NCS1: variants seen among roughly 807,000 people sequenced by gnomAD.
NCS1 encodes frequenin homolog.
In NCS1, 6 loss-of-function variants were observed where a neutral mutation model predicts 28.4. The ratio of observed to expected loss-of-function variants is 0.21; its 90% CI spans 0.12 to 0.42. The LOEUF (loss-of-function observed/expected upper bound fraction) is 0.42, where lower values mean the gene tolerates loss of function less well. Ranked by LOEUF, NCS1 falls within the 10% of genes least tolerant of loss-of-function variation. The pLI is 1.00. For missense variants in NCS1, 131 were observed against 241.4 expected (o/e 0.54, Z 3.03); for synonymous variants, 86 against 99.3 (o/e 0.87, Z 0.79).
rs1490009518 is a variant in NCS1 at position 130,236,133 on chromosome 9, G to A, written c.*3161G>A. ...GCCCGTTTCCTAGACAAGTGCACCTGGGGTTTCAGGAACTTTGTGTTTTTT... is the reference window on the plus strand; with the variant it reads ...GCCCGTTTCCTAGACAAGTGCACCTAGGGTTTCAGGAACTTTGTGTTTTTT... On this transcript the variant is annotated 3_prime_UTR_variant, in exon 8 of 8. Coordinates refer to ENST00000372398, the MANE Select transcript of NCS1 (RefSeq NM_014286.4). The A allele has an allele frequency of 1.3e-5, 2 of 152,358 alleles. No individual in the cohort carries two copies. The highest frequency in any genetic ancestry group is 4.8e-5 in the African/African-American group (2 of 41,566). The allele number at this position is 152,358 out of a possible 1,614,324, so 9.4% of individuals were successfully genotyped here. A position where few individuals can be genotyped will look rare whatever the true frequency, so the allele number is the denominator to read the frequency against.
chr9:130,200,232 C>T (rs373913964), intron 1 of NCS1, among the ~76,000 whole-genome samples: 3 of 152,286 alleles, frequency 2.0e-5, no homozygotes, highest in East Asian at 1.9e-4. Context: ...TGTTCTTGTT[C>T]GGTGACTTTA....
Position 130,233,659 on chromosome 9 carries a change from T to G in NCS1, c.*687T>G, listed in dbSNP as rs183505584. ...TAATTGATATCTTTAATTTATTGGT[T>G]GTTAACTGTTGCTGCTGCCTGGTGT... On this transcript the variant is annotated 3_prime_UTR_variant, in exon 8 of 8. Coordinates refer to ENST00000372398, the MANE Select transcript of NCS1 (RefSeq NM_014286.4). This position sits in a 1 kb window ranked among gnomAD's most constrained non-coding sequence, Gnocchi z 4.8. 6.5e-6 allele frequency: 1 copy of G among 152,720 alleles called. No individual in the cohort carries two copies. The highest frequency in any genetic ancestry group is 6.5e-5 in the Admixed American group (1 of 15,292). The allele number at this position is 152,720 out of a possible 1,614,324, so 9.5% of individuals were successfully genotyped here.
chr9:130,193,371 G>A (rs939361690), intron 1 of NCS1, among the ~76,000 whole-genome samples: 2 of 152,108 alleles, frequency 1.3e-5, no homozygotes, highest in Non-Finnish European at 2.9e-5. Context: ...GGATGGGAAA[G>A]TGGGATGGGG....
At chr9:130,194,144 GC>G (rs1157972807) in intron 1 of NCS1, among the ~76,000 whole-genome samples, 4 of 152,222 alleles carry the variant, frequency 2.6e-5, no homozygotes, top group Non-Finnish European at 5.9e-5. Flanking sequence ...CCTGCCTTTT[GC>G]TCCCACCATG....
chr9:130,202,235 C>G (rs531549794), intron 2 of NCS1, among the ~76,000 whole-genome samples: 1 of 152,344 alleles, frequency 6.6e-6, no homozygotes, highest in South Asian at 2.1e-4. Context: ...CCTTTACCCT[C>G]TGGCCAGCCT....
At position 130,175,254 on chromosome 9, in the gene NCS1, T is replaced by C. The variant is rs4837476; in HGVS notation, c.64+2527T>C. Among the ~76,000 whole-genome samples the C allele has an allele frequency of 0.35, 53,860 of 152,036 alleles. 12,492 individuals are homozygous for C. The highest frequency in any genetic ancestry group is 0.68 in the East Asian group (3,529 of 5,160). ...TCCCAACAGGACAAGCAGAGAAAGC[T>C]TCCAGCTTGTTCTCCCGCCCCCAGA... On this transcript the variant is annotated intron_variant, in intron 1 of 7. Transcript: ENST00000372398. This position sits in a 1 kb window ranked among gnomAD's most constrained non-coding sequence, Gnocchi z 4.9.
At chr9:130,184,053 A>G (rs4837481) in intron 1 of NCS1, among the ~76,000 whole-genome samples, 25,862 of 150,398 alleles carry the variant, frequency 0.17, 2,689 homozygotes, top group Admixed American at 0.27. Context: ...CTCATTATCC[A>G]CCCGCCTCGG....
chr9:130,175,338 T>C lies in NCS1; in HGVS notation c.64+2611T>C, dbSNP rs958141613. ...GCTCTTTGTTCTGGGGGATTCTGTG[T>C]ATGGGGTCAAGAGAAGCGCCCCAGG... On this transcript the variant is annotated intron_variant, in intron 1 of 7. Transcript: ENST00000372398. The surrounding 1 kb of genome is among the most constrained non-coding windows in gnomAD (Gnocchi z 4.9). Among the ~76,000 whole-genome samples the C allele has an allele frequency of 6.6e-6, 1 of 152,098 alleles. No individual in the cohort carries two copies. Among genetic ancestry groups the C allele is most frequent in the Non-Finnish European group, 1.5e-5 (1 of 68,018 alleles).
chr9:130,189,560 G>A (rs781915704), intron 1 of NCS1, among the ~76,000 whole-genome samples: 22 of 152,010 alleles, frequency 1.4e-4, no homozygotes, highest in Non-Finnish European at 2.9e-4. Context: ...CCAGGGTCTT[G>A]GCCAGCCACG....
intron 1 of NCS1, among the ~76,000 whole-genome samples, chr9:130,197,457 T>C (rs916255000): frequency 6.6e-5 from 10 of 152,212 alleles, no homozygotes; most frequent in African/African-American, 1.4e-4. Flanking sequence ...GCCTTGGTGA[T>C]GGGCAAACCC....
rs1554909982 is a variant in NCS1, at chr9:130,219,844, G to A, written c.307+41G>A. The A allele has an allele frequency of 1.2e-6, 2 of 1,604,506 alleles. No homozygotes were observed. The highest frequency in any genetic ancestry group is 1.7e-5 in the Admixed American group (1 of 59,994). On this transcript the variant is annotated intron_variant, in intron 4 of 7. Transcript: ENST00000372398. This position sits in a 1 kb window ranked among gnomAD's most constrained non-coding sequence, Gnocchi z 5.7. ...TTGGCCCTGTGTGGCAGCAGCTGGA[G>A]GGCCCAGGTCAGAGGGAGGCAGCCC...
intron 7 of NCS1, among the ~76,000 whole-genome samples, chr9:130,231,655 A>G (rs1247920619): frequency 6.6e-6 from 1 of 152,056 alleles, no homozygotes; most frequent in Non-Finnish European, 1.5e-5. Flanking sequence ...AAGGGTTGGG[A>G]TTACAGACAT....
In NCS1 at chr9:130,217,815, C is replaced by G; in HGVS notation, c.90-17C>G. 1.9e-6 allele frequency: 3 copies of G among 1,614,074 alleles called. No individual in the cohort carries two copies. Among genetic ancestry groups the G allele is most frequent in the African/African-American group, 1.3e-5 (1 of 75,038 alleles). Reference sequence around the variant, plus strand: ...GGCGTCTCCTTTACCCTCTCTGGCCCGGTCTGCTGCCTCCAGGTACAAAGG... The same window carrying G: ...GGCGTCTCCTTTACCCTCTCTGGCCGGGTCTGCTGCCTCCAGGTACAAAGG... On this transcript the variant is annotated splice_polypyrimidine_tract_variant and intron_variant, in intron 2 of 7. Transcript: ENST00000372398.
intron 1 of NCS1, among the ~76,000 whole-genome samples, chr9:130,179,454 T>C (rs1832625002): frequency 6.6e-6 from 1 of 152,218 alleles, no homozygotes; most frequent in African/African-American, 2.4e-5. Flanking sequence ...GATGAACATC[T>C]TTGTACCACA....
Position 130,186,741 on chromosome 9 carries a change from G to A in NCS1, c.64+14014G>A, listed in dbSNP as rs1455737261. On this transcript the variant is annotated intron_variant, in intron 1 of 7. Coordinates refer to ENST00000372398, the MANE Select transcript of NCS1 (RefSeq NM_014286.4). This position sits in a 1 kb window ranked among gnomAD's most constrained non-coding sequence, Gnocchi z 4.1. ...CCCTCTGGATGGAAGCCCTGAGAGG[G>A]TCCCAAGGAGGTGTCAAGGTTTGGC... Among the ~76,000 whole-genome samples, 3 of 152,176 alleles carry A rather than the reference G, an allele frequency of 2.0e-5. No homozygotes were observed. Among genetic ancestry groups the A allele is most frequent in the African/African-American group, 7.2e-5 (3 of 41,446 alleles).
Position 130,234,767 on chromosome 9 carries a change from T to A in NCS1, c.*1795T>A, listed in dbSNP as rs140742377. 5 of 152,386 alleles carry A rather than the reference T, an allele frequency of 3.3e-5. No homozygotes were observed. The highest frequency in any genetic ancestry group is 7.2e-5 in the African/African-American group (3 of 41,560). The allele number at this position is 152,386 out of a possible 1,614,324, so 9.4% of individuals were successfully genotyped here. A position where few individuals can be genotyped will look rare whatever the true frequency, so the allele number is the denominator to read the frequency against. On this transcript the variant is annotated 3_prime_UTR_variant, in exon 8 of 8. Transcript: ENST00000372398. This position sits in a 1 kb window ranked among gnomAD's most constrained non-coding sequence, Gnocchi z 6.1. The stretch of plus-strand genomic sequence containing the variant: ...TGTCCCTTCCCGCAGCATTTCCTGG[T>A]TCCCCCCAGACCCTTGAGCGCTCTT...
In NCS1 at chr9:130,172,576, C is replaced by A; in HGVS notation, c.-88C>A. ...GCGGGCGCCGCAGACAAAGGCGCGG[C>A]CCCGGCCCGGCCCGCCCGGCCCAGC... On this transcript the variant is annotated 5_prime_UTR_variant, in exon 1 of 8. Coordinates refer to ENST00000372398, the MANE Select transcript of NCS1 (RefSeq NM_014286.4). 2 of 640,174 alleles carry A rather than the reference C, an allele frequency of 3.1e-6. No homozygotes were observed. The highest frequency in any genetic ancestry group is 4.0e-6 in the Non-Finnish European group (2 of 498,544). 39.7% of individuals were successfully genotyped at this position (640,174 alleles called of 1,614,324 possible). A position where few individuals can be genotyped will look rare whatever the true frequency, so the allele number is the denominator to read the frequency against.
intron 2 of NCS1, among the ~76,000 whole-genome samples, chr9:130,202,735 A>G (rs1017769437): frequency 1.3e-5 from 2 of 151,940 alleles, no homozygotes; most frequent in African/African-American, 4.8e-5. Flanking sequence ...GTGTGCCACC[A>G]TGCCCCACTA....
rs1704915407 is a variant in NCS1, at chr9:130,177,569, A to G, written c.64+4842A>G. On this transcript the variant is annotated intron_variant, in intron 1 of 7. Transcript: ENST00000372398. The surrounding 1 kb of genome is among the most constrained non-coding windows in gnomAD (Gnocchi z 4.4). ...TCTGACAGTGGAGCAGAGCAGCAGC[A>G]GGAGAGACTGAGGTGGACTCTCGGC... 6.6e-6 allele frequency among the ~76,000 whole-genome samples: 1 copy of G among 152,344 alleles called. No homozygotes were observed. The highest frequency in any genetic ancestry group is 1.9e-4 in the East Asian group (1 of 5,194).
Sources: gnomAD v4.1 joint callset for allele counts (sites outside exome capture counted in the v4.1 genomes callset) on GRCh38, gnomAD v4.1.1 for gene constraint, Gnocchi (gnomAD v3.1) non-coding constraint, MANE v1.5 for transcripts, NCBI Gene and HGNC (gene_info 2026-07-23, HGNC 2026-07-21) for gene names.